DGKB: variants seen among roughly 807,000 people sequenced by gnomAD.
The protein encoded by DGKB is diacylglycerol kinase beta.
Under a neutral mutation model 114.3 loss-of-function variants are expected in DGKB, and 67 were observed. That is an observed-to-expected ratio of 0.59 (90% CI 0.48 to 0.72). The LOEUF (loss-of-function observed/expected upper bound fraction) is 0.72, where lower values mean the gene tolerates loss of function less well. Among genes scored for constraint, DGKB ranks in the 30% least tolerant of loss-of-function variants. The pLI, the probability that DGKB is intolerant of heterozygous loss-of-function variation, is 0.00. For missense variants in DGKB, 907 were observed against 975.2 expected (o/e 0.93, Z 0.93); for synonymous variants, 398 against 323.1 (o/e 1.23, Z -2.49).
chr7:14,385,480 TACATGGTCCTCAG>T (rs902943245), intron 21 of DGKB, among the ~76,000 whole-genome samples: 1 of 152,192 alleles, frequency 6.6e-6, no homozygotes, highest in Non-Finnish European at 1.5e-5. Flanking sequence ...GACTTATTCA[TACATGGTCCTCAG>T]ACATGGTCCT....
At chr7:14,455,341 C>A (rs561717730) in intron 21 of DGKB, among the ~76,000 whole-genome samples, 1 of 152,136 alleles carries the variant, frequency 6.6e-6, no homozygotes, top group Non-Finnish European at 1.5e-5. Context: ...TAGGTTTTCA[C>A]AGCTGTAGAA....
At chr7:14,380,889 G>A (rs1427135410) in intron 21 of DGKB, among the ~76,000 whole-genome samples, 3 of 152,190 alleles carry the variant, frequency 2.0e-5, no homozygotes, top group African/African-American at 7.2e-5. Context: ...TTGTGATTAT[G>A]TTTTGATACA....
intron 1 of DGKB, among the ~76,000 whole-genome samples, chr7:14,954,389 G>GA (rs1408826752): frequency 4.6e-5 from 7 of 151,842 alleles, no homozygotes; most frequent in African/African-American, 1.4e-4. Context: ...ACTTTAAAAA[G>GA]AAAAAAAGCA....
At chr7:14,794,964 T>C (rs936935309) in intron 2 of DGKB, among the ~76,000 whole-genome samples, 1 of 152,140 alleles carries the variant, frequency 6.6e-6, no homozygotes, top group Non-Finnish European at 1.5e-5. Context: ...TTACATTGCC[T>C]AAGGAAACTG....
intron 2 of DGKB, among the ~76,000 whole-genome samples, chr7:14,800,731 T>A (rs73070729): frequency 1.3e-5 from 2 of 152,218 alleles, no homozygotes; most frequent in Non-Finnish European, 2.9e-5. Context: ...AAGTTAAGAC[T>A]GCCAGGCCAC....
At chr7:14,712,546 C>T (rs1827539576) in intron 6 of DGKB, among the ~76,000 whole-genome samples, 1 of 152,246 alleles carries the variant, frequency 6.6e-6, no homozygotes, top group South Asian at 2.1e-4. Flanking sequence ...TGACACATGC[C>T]TGTAATCCCA....
intron 17 of DGKB, among the ~76,000 whole-genome samples, chr7:14,601,629 T>C (rs967674812): frequency 5.4e-4 from 82 of 152,290 alleles, no homozygotes; most frequent in Admixed American, 4.8e-3. Flanking sequence ...AGGGAAGCCA[T>C]GCCACACCCT....
At chr7:14,523,234 A>AT (rs1444714707) in intron 20 of DGKB, among the ~76,000 whole-genome samples, 1 of 152,168 alleles carries the variant, frequency 6.6e-6, no homozygotes, top group Non-Finnish European at 1.5e-5. Context: ...GGCAGTCATA[A>AT]TTTATCTAAA....
At chr7:14,706,889 A>C (rs1189462255) in intron 6 of DGKB, among the ~76,000 whole-genome samples, 1 of 131,990 alleles carries the variant, frequency 7.6e-6, no homozygotes, top group African/African-American at 2.9e-5. Flanking sequence ...TGACAGCCTA[A>C]CATCACAATT....
chr7:14,167,978 T>C (rs1221748254), intron 25 of DGKB, among the ~76,000 whole-genome samples: 1 of 152,104 alleles, frequency 6.6e-6, no homozygotes, highest in Non-Finnish European at 1.5e-5. Context: ...ATATAGCCAA[T>C]GATGCAAACC....
intron 5 of DGKB, among the ~76,000 whole-genome samples, chr7:14,725,623 C>T (rs963774646): frequency 6.6e-6 from 1 of 151,508 alleles, no homozygotes; most frequent in Non-Finnish European, 1.5e-5. Flanking sequence ...GGCATGTTCA[C>T]TACAACCTCC....
chr7:14,662,580 C>A (rs1218173340), intron 13 of DGKB, among the ~76,000 whole-genome samples: 1 of 151,812 alleles, frequency 6.6e-6, no homozygotes, highest in Admixed American at 6.6e-5. Flanking sequence ...TGAAAAGATG[C>A]TAGACAAAAA....
At position 14,661,364 on chromosome 7, in the gene DGKB, A is replaced by G. The variant is rs1817033167; in HGVS notation, c.1134+11565T>C. Among the ~76,000 whole-genome samples, 5 of 146,124 alleles carry G rather than the reference A, an allele frequency of 3.4e-5. No individual in the cohort carries two copies. In the South Asian group the frequency reaches 1.1e-3, roughly 33 times the overall value. ...AACTCAAACAAATTTACAAGAAAAA[A>G]ACAAACAACCCCATCAAAAAGTGGG... is the stretch of plus-strand genomic sequence containing the variant. On this transcript the variant is annotated intron_variant, in intron 13 of 25. Transcript: ENST00000402815.
At position 14,424,339 on chromosome 7, in the gene DGKB, G is replaced by T. The variant is rs1428674600; in HGVS notation, c.1835+53822C>A. ...TGTGGATCTGTCCTTGATGCTTCGT[G>T]ACTATTTTCCTCCCTGTTCAAAATA... On this transcript the variant is annotated intron_variant, in intron 21 of 25. Transcript: ENST00000402815. 2.0e-5 allele frequency among the ~76,000 whole-genome samples: 3 copies of T among 151,900 alleles called. No homozygotes were observed. The East Asian group carries it at 5.8e-4, about 30-fold the overall frequency.
At chr7:14,715,306 A>G (rs1828011497) in intron 6 of DGKB, among the ~76,000 whole-genome samples, 1 of 152,192 alleles carries the variant, frequency 6.6e-6, no homozygotes, top group South Asian at 2.1e-4. Context: ...CAAGGCTTGG[A>G]GTATTGTAAC....
intron 23 of DGKB, chr7:14,269,268 C>T (rs1456991646): frequency 2.6e-5 from 4 of 152,270 alleles, no homozygotes; most frequent in Admixed American, 2.0e-4. Flanking sequence ...CACACACTAA[C>T]ACTTGTGCTT....
At chr7:14,712,610 G>T (rs1827552581) in intron 6 of DGKB, among the ~76,000 whole-genome samples, 1 of 152,018 alleles carries the variant, frequency 6.6e-6, no homozygotes, top group South Asian at 2.1e-4. Context: ...GGCAGAGGTT[G>T]CAGGGAGCCA....
intron 1 of DGKB, among the ~76,000 whole-genome samples, chr7:14,897,280 T>G (rs986226511): frequency 2.6e-4 from 39 of 151,958 alleles, no homozygotes; most frequent in Non-Finnish European, 5.2e-4. Flanking sequence ...AAATTAGAAT[T>G]TTAATTATCA....
chr7:14,930,942 T>C (rs1343985669), intron 1 of DGKB, among the ~76,000 whole-genome samples: 1 of 152,148 alleles, frequency 6.6e-6, no homozygotes, highest in Non-Finnish European at 1.5e-5. Context: ...TAGAATGCTT[T>C]TTCTTTGTCT....
Sources: gnomAD v4.1 joint callset for allele counts (sites outside exome capture counted in the v4.1 genomes callset) on GRCh38, gnomAD v4.1.1 for gene constraint, MANE v1.5 for transcripts, NCBI Gene and HGNC (gene_info 2026-07-23, HGNC 2026-07-21) for gene names.